ANKS1B: variants seen among roughly 807,000 people sequenced by gnomAD.
ANKS1B encodes ankyrin repeat and sterile alpha motif domain containing 1B.
In ANKS1B, 36 loss-of-function variants were observed where a neutral mutation model predicts 148.3. That is an observed-to-expected ratio of 0.24 (90% CI 0.19 to 0.32). The LOEUF (loss-of-function observed/expected upper bound fraction) is 0.32, where lower values mean the gene tolerates loss of function less well. Among genes scored for constraint, ANKS1B ranks in the 10% least tolerant of loss-of-function variants. The probability of loss-of-function intolerance (pLI) is 1.00; values close to 1 mark genes in which losing one functional copy is unlikely to be tolerated. For missense variants in ANKS1B, 1,157 were observed against 1,542.6 expected, an observed-to-expected ratio of 0.75 and a Z score of 4.19; for synonymous variants, 542 against 560.8, an observed-to-expected ratio of 0.97 and a Z score of 0.47.
At chr12:99,879,467 T>C (rs1175396990) in intron 1 of ANKS1B, among the ~76,000 whole-genome samples, 1 of 152,188 alleles carries the variant, frequency 6.6e-6, no homozygotes, top group East Asian at 1.9e-4. Flanking sequence ...TATAATTAAT[T>C]TTAAACAATT....
rs942397964 is a variant in ANKS1B at position 99,375,541 on chromosome 12, CATT to C, written c.1756+24087_1756+24089del. 3.9e-5 allele frequency among the ~76,000 whole-genome samples: 6 copies of C among 152,092 alleles called. No homozygotes were observed. In the South Asian group the frequency reaches 1.2e-3, roughly 32 times the overall value. ...TATAGTAAAAACTCAACAAAGTAATCATTGTTAGTAATAGTATCATAATTCCTA... is the reference window on the plus strand; with the variant it reads ...TATAGTAAAAACTCAACAAAGTAATCGTTAGTAATAGTATCATAATTCCTA... On this transcript the variant is annotated intron_variant, in intron 12 of 26. Transcript: ENST00000683438.
chr12:98,744,878 C>A lies in ANKS1B; in HGVS notation c.*861G>T. On this transcript the variant is annotated 3_prime_UTR_variant, in exon 27 of 27. Transcript: ENST00000683438. ...CAGGCTGATGGCTGCGTCAGCACTT[C>A]CGGGCCTCCTGCTCTAGGGAGCATC... 1.0e-6 allele frequency: 1 copy of A among 985,574 alleles called. No homozygotes were observed. The highest frequency in any genetic ancestry group is 1.7e-5 in the African/African-American group (1 of 57,262). 61.1% of individuals were successfully genotyped at this position (985,574 alleles called of 1,614,324 possible). A position where few individuals can be genotyped will look rare whatever the true frequency, so the allele number is the denominator to read the frequency against.
chr12:99,946,464 T>G (rs1266514223), intron 1 of ANKS1B, among the ~76,000 whole-genome samples: 1 of 152,090 alleles, frequency 6.6e-6, no homozygotes, highest in Non-Finnish European at 1.5e-5. Flanking sequence ...GAGAGCAAGC[T>G]CTCTGGTGTC....
At position 99,806,649 on chromosome 12, in the gene ANKS1B, C is replaced by G; in HGVS notation, c.424G>C (p.Glu142Gln). The change falls in exon 4 of 27, where the codon GAA (glutamate) becomes CAA (glutamine). Residue 142 changes from glutamate to glutamine, a missense_variant. Transcript: ENST00000683438. Reference protein sequence around the residue: ...LHCAAQYGHSEVVAVLLEELT... With the variant: ...LHCAAQYGHSQVVAVLLEELT... ...TCTTCTAGGAGAACAGCAACTACTT[C>G]TGAGTGTCCATATTGAGCTGCACAG... 6.2e-7 allele frequency: 1 copy of G among 1,613,950 alleles called. No individual in the cohort carries two copies. Among genetic ancestry groups the G allele is most frequent in the Non-Finnish European group, 8.5e-7 (1 of 1,179,858 alleles).
At chr12:99,640,860 C>G (rs1353121313) in intron 9 of ANKS1B, among the ~76,000 whole-genome samples, 1 of 152,132 alleles carries the variant, frequency 6.6e-6, no homozygotes, top group East Asian at 1.9e-4. Context: ...CATAAGGAGT[C>G]ATTACGACTT....
At chr12:99,817,435 A>G (rs954658450) in intron 2 of ANKS1B, among the ~76,000 whole-genome samples, 8 of 151,434 alleles carry the variant, frequency 5.3e-5, no homozygotes, top group African/African-American at 1.9e-4. Context: ...GGTTGATCCC[A>G]TATCTTAGCT....
rs79550197 is a variant in ANKS1B at position 98,866,159 on chromosome 12, G to A, written c.2779-34023C>T. Among the ~76,000 whole-genome samples, 313 of 152,138 alleles carry A rather than the reference G, an allele frequency of 2.1e-3. 4 individuals carry two copies. In the East Asian group the frequency reaches 0.053, roughly 26 times the overall value. On this transcript the variant is annotated intron_variant, in intron 17 of 26. Transcript: ENST00000683438. ...CACAAACGTTCATATCTAAAGCAAG[G>A]CCCTAAAGAGGGCCTTTTTGAGCGA...
intron 1 of ANKS1B, among the ~76,000 whole-genome samples, chr12:99,904,364 G>C (rs1158039762): frequency 6.6e-6 from 1 of 151,700 alleles, no homozygotes; most frequent in Non-Finnish European, 1.5e-5. Flanking sequence ...AGTAATTTTT[G>C]TATTTTTAGT....
intron 9 of ANKS1B, among the ~76,000 whole-genome samples, chr12:99,567,215 C>G (rs1038355866): frequency 2.0e-5 from 3 of 152,150 alleles, no homozygotes; most frequent in African/African-American, 7.2e-5. Flanking sequence ...AGCTGCCTCT[C>G]TCCATAGGCA....
chr12:99,267,731 G>A (rs574205136), intron 12 of ANKS1B, among the ~76,000 whole-genome samples: 1 of 152,242 alleles, frequency 6.6e-6, no homozygotes, highest in Admixed American at 6.5e-5. Flanking sequence ...GAAGTTTTGT[G>A]AGCTTCAGAG....
intron 17 of ANKS1B, among the ~76,000 whole-genome samples, chr12:98,994,975 C>T (rs1485999773): frequency 6.6e-6 from 1 of 152,068 alleles, no homozygotes; most frequent in Non-Finnish European, 1.5e-5. Context: ...GTGAAGAAAA[C>T]AGTAATTAAT....
Position 99,436,768 on chromosome 12 carries a change from G to A in ANKS1B, c.1575+6905C>T, listed in dbSNP as rs17029443. The stretch of plus-strand genomic sequence containing the variant: ...AAAATGTTTCTTTCAGGTTGAGTAG[G>A]TACCTGATCTAAACATGGTCCATTA... On this transcript the variant is annotated intron_variant, in intron 11 of 26. Coordinates refer to ENST00000683438, the MANE Select transcript of ANKS1B (RefSeq NM_001352186.2). 2.9e-3 allele frequency among the ~76,000 whole-genome samples: 444 copies of A among 152,010 alleles called. 1 individual carries two copies. Among genetic ancestry groups the A allele is most frequent in the African/African-American group, 1.0e-2 (414 of 41,486 alleles).
At chr12:99,339,290 C>A (rs1241047319) in intron 12 of ANKS1B, among the ~76,000 whole-genome samples, 1 of 152,158 alleles carries the variant, frequency 6.6e-6, no homozygotes, top group Non-Finnish European at 1.5e-5. Flanking sequence ...GTGTTGCTTT[C>A]CACTATGATG....
At chr12:99,979,351 G>GTT (rs1383848031) in intron 1 of ANKS1B, among the ~76,000 whole-genome samples, 2 of 152,128 alleles carry the variant, frequency 1.3e-5, no homozygotes, top group Non-Finnish European at 2.9e-5. Flanking sequence ...TTCACCTTCA[G>GTT]TTCTGGCAGA....
At chr12:99,684,613 T>C (rs887217343) in intron 8 of ANKS1B, among the ~76,000 whole-genome samples, 1 of 152,090 alleles carries the variant, frequency 6.6e-6, no homozygotes, top group South Asian at 2.1e-4. Flanking sequence ...AGAGCCTGCA[T>C]AGCCAGAGCA....
rs188194335 is a variant in ANKS1B at position 99,161,512 on chromosome 12, G to A, written c.2420-7117C>T. On this transcript the variant is annotated intron_variant, in intron 14 of 26. Coordinates refer to ENST00000683438, the MANE Select transcript of ANKS1B (RefSeq NM_001352186.2). ...TGGGTAACAGAGCAAGACCCTGTCTGTAAAAAAACAAACCAAACCAAAACA... is the reference window on the plus strand; with the variant it reads ...TGGGTAACAGAGCAAGACCCTGTCTATAAAAAAACAAACCAAACCAAAACA... 5.3e-5 allele frequency among the ~76,000 whole-genome samples: 8 copies of A among 152,066 alleles called. No homozygotes were observed. The East Asian group carries it at 1.5e-3, about 29-fold the overall frequency.
At chr12:99,633,389 G>A (rs934726400) in intron 9 of ANKS1B, among the ~76,000 whole-genome samples, 4 of 152,182 alleles carry the variant, frequency 2.6e-5, no homozygotes, top group African/African-American at 9.6e-5. Flanking sequence ...ATGGGGAAAG[G>A]ATTCCCTATT....
At chr12:99,047,699 G>A (rs999482681) in intron 17 of ANKS1B, among the ~76,000 whole-genome samples, 25 of 152,266 alleles carry the variant, frequency 1.6e-4, no homozygotes, top group African/African-American at 4.8e-4. Context: ...AGTACTGTTC[G>A]TTAGAATTCT....
intron 12 of ANKS1B, among the ~76,000 whole-genome samples, chr12:99,343,210 T>A (rs955548070): frequency 3.3e-5 from 5 of 152,066 alleles, no homozygotes; most frequent in Admixed American, 6.6e-5. Flanking sequence ...GAAACACATT[T>A]AGTGATGAGC....
Sources: gnomAD v4.1 joint callset for allele counts (sites outside exome capture counted in the v4.1 genomes callset) on GRCh38, gnomAD v4.1.1 for gene constraint, MANE v1.5 for transcripts, NCBI Gene and HGNC (gene_info 2026-07-23, HGNC 2026-07-21) for gene names.